The following TMTC3 variants were observed in gnomAD, a reference collection of about 807,000 sequenced individuals.
The protein encoded by TMTC3 is transmembrane O-mannosyltransferase targeting cadherins 3.
In TMTC3, 52 loss-of-function variants were observed where a neutral mutation model predicts 92.2. That is an observed-to-expected ratio of 0.56 (90% CI 0.45 to 0.71). TMTC3 has a LOEUF of 0.71. TMTC3 is among the 30% of genes least tolerant of loss of function. The pLI, the probability that TMTC3 is intolerant of heterozygous loss-of-function variation, is 0.00. For missense variants in TMTC3, 896 were observed against 1,057.1 expected (o/e 0.85, Z 2.11); for synonymous variants, 339 against 363.3 (o/e 0.93, Z 0.76).
At chr12:88,145,606 GTA>G (rs138805594) in intron 1 of TMTC3, among the ~76,000 whole-genome samples, 5,207 of 152,182 alleles carry the variant, frequency 0.034, 142 homozygotes, top group Non-Finnish European at 0.054. Flanking sequence ...GAGGGCTTCA[GTA>G]TTTAAAGGGG....
rs60950974 is a variant in TMTC3 at position 88,165,214 on chromosome 12, A to G, written c.798-1116A>G. ...GTTTGTGTATGTGTGTATAAATTCT[A>G]TTACCCTCTGAAGTTGGATTTAATA... On this transcript the variant is annotated intron_variant, in intron 6 of 13. Transcript: ENST00000266712. 5.7e-4 allele frequency among the ~76,000 whole-genome samples: 87 copies of G among 152,234 alleles called. No homozygotes were observed. In the East Asian group the frequency reaches 0.011, roughly 19 times the overall value.
chr12:88,172,971 G>A, intron 8 of TMTC3: 3 of 1,433,048 alleles, frequency 2.1e-6, no homozygotes, highest in Non-Finnish European at 2.8e-6. Flanking sequence ...TACAGCCTGA[G>A]ACAGAACAAA....
chr12:88,160,491 G>A (rs1408955619), intron 5 of TMTC3, among the ~76,000 whole-genome samples, 188 bp from the exon 6 acceptor site: 1 of 151,982 alleles, frequency 6.6e-6, no homozygotes, highest in Non-Finnish European at 1.5e-5. Context: ...CAATAGTACT[G>A]TACAGTATAA....
intron 10 of TMTC3, among the ~76,000 whole-genome samples, chr12:88,183,045 C>T (rs2041335994): frequency 6.6e-6 from 1 of 152,194 alleles, no homozygotes; most frequent in Non-Finnish European, 1.5e-5. Context: ...ATTTGCCAGA[C>T]TTTTGGGAAA....
rs1206199154 is a variant in TMTC3, at chr12:88,198,800, A to ATATT, written c.*3157_*3160dup. The ATATT allele has an allele frequency of 6.2e-6, 1 of 160,500 alleles. No homozygotes were observed. Among genetic ancestry groups the ATATT allele is most frequent in the African/African-American group, 2.4e-5 (1 of 41,862 alleles). The allele number at this position is 160,500 out of a possible 1,614,324, so 9.9% of individuals were successfully genotyped here. On this transcript the variant is annotated 3_prime_UTR_variant, in exon 14 of 14. Transcript: ENST00000266712. ...TACTTCAGAAATCCATATATTTGTC[A>ATATT]TATTTATTTTTTTAGAAACCTCCTA...
Position 88,153,262 on chromosome 12 carries a change from A to C in TMTC3, c.190-29A>C, listed in dbSNP as rs569078232. 4 of 1,546,088 alleles carry C rather than the reference A, an allele frequency of 2.6e-6. No individual in the cohort carries two copies. In the African/African-American group the frequency reaches 5.4e-5, roughly 21 times the overall value. On this transcript the variant is annotated intron_variant, in intron 2 of 13. Transcript: ENST00000266712. ...GTACCCTGTTGGACCAAGGTACTTT[A>C]ATAATCACTGATCGTTTTTTCCTTG...
intron 13 of TMTC3, among the ~76,000 whole-genome samples, chr12:88,194,366 A>T (rs1445781038): frequency 6.6e-6 from 1 of 152,198 alleles, no homozygotes; most frequent in Non-Finnish European, 1.5e-5. Context: ...TTTTCTACCC[A>T]GTAATAGTTA....
In TMTC3 at chr12:88,148,349, A is replaced by G. The variant is rs771040317; in HGVS notation, c.34A>G (p.Ile12Val). The G allele has an allele frequency of 2.5e-6, 4 of 1,613,318 alleles. No individual in the cohort carries two copies. The highest frequency in any genetic ancestry group is 3.4e-6 in the Non-Finnish European group (4 of 1,179,606). The change falls in exon 2 of 14, where the codon ATA becomes GTA. Residue 12 changes from isoleucine (I) to valine (V), a missense_variant. By Grantham distance (29) the Ile-to-Val change is conservative. Transcript: ENST00000266712. ...ANINLKEITLIVGVVTACYWN... is the reference protein window; with the variant it reads ...ANINLKEITLVVGVVTACYWN... Reference sequence around the variant, plus strand: ...TATTAACCTAAAAGAAATAACCTTAATAGTAGGTGTGGTTACTGCCTGCTA... The same window carrying G: ...TATTAACCTAAAAGAAATAACCTTAGTAGTAGGTGTGGTTACTGCCTGCTA...
intron 10 of TMTC3, 68 bp downstream of exon 10, chr12:88,176,387 A>C: frequency 8.5e-7 from 1 of 1,169,928 alleles, no homozygotes; most frequent in South Asian, 1.4e-5. Flanking sequence ...CCTTGGGGGA[A>C]ATAAGGTAGT....
intron 2 of TMTC3, among the ~76,000 whole-genome samples, chr12:88,150,416 T>C (rs895288871): frequency 2.0e-5 from 3 of 152,124 alleles, no homozygotes; most frequent in Admixed American, 6.5e-5. Flanking sequence ...CATTTTGATA[T>C]AAGATTTGGG....
At chr12:88,152,503 C>T (rs2040955369) in intron 2 of TMTC3, among the ~76,000 whole-genome samples, 1 of 152,014 alleles carries the variant, frequency 6.6e-6, no homozygotes, top group African/African-American at 2.4e-5. Flanking sequence ...TGTCAATGCC[C>T]TTTGTATAAA....
In TMTC3 at chr12:88,160,203, G is replaced by A; in HGVS notation, c.598G>A (p.Val200Met). The A allele has an allele frequency of 6.4e-7, 1 of 1,569,368 alleles. No individual in the cohort carries two copies. The highest frequency in any genetic ancestry group is 8.6e-7 in the Non-Finnish European group (1 of 1,161,814). The change falls in exon 5 of 14, where the codon GTG (valine) becomes ATG (methionine). Residue 200 changes from valine (V) to methionine (M), a missense_variant. Transcript: ENST00000266712. The part of the protein sequence containing the change: ...QGITVVGICC[V>M]YEVFIAQGYT... ...AATAACAGTTGTAGGAATTTGCTGT[G>A]TGTATGAAGTGTTTATTGCCCAGGG...
intron 1 of TMTC3, 52 bp from the exon 2 acceptor site, chr12:88,148,236 C>A: frequency 1.6e-6 from 2 of 1,230,726 alleles, no homozygotes; most frequent in Non-Finnish European, 2.3e-6. Flanking sequence ...TAAAATTGAA[C>A]TTACTTGGAA....
chr12:88,188,218 G>A (rs573539256), intron 10 of TMTC3, among the ~76,000 whole-genome samples: 2 of 152,080 alleles, frequency 1.3e-5, no homozygotes, highest in African/African-American at 4.8e-5. Context: ...TTTAAAAATC[G>A]AATGGCAAAG....
chr12:88,168,458 C>A (rs577906360), intron 7 of TMTC3, among the ~76,000 whole-genome samples: 1 of 152,258 alleles, frequency 6.6e-6, no homozygotes, highest in South Asian at 2.1e-4. Context: ...TTATGTAGGG[C>A]CTGGGGAAGC....
chr12:88,161,995 T>G (rs1291481205), intron 6 of TMTC3, among the ~76,000 whole-genome samples: 1 of 152,052 alleles, frequency 6.6e-6, no homozygotes, highest in Non-Finnish European at 1.5e-5. Flanking sequence ...TCCAGTGTTC[T>G]TTATTCCTTT....
chr12:88,184,009 G>C (rs1341313184), intron 10 of TMTC3, among the ~76,000 whole-genome samples: 4 of 152,028 alleles, frequency 2.6e-5, no homozygotes, highest in Non-Finnish European at 5.9e-5. Flanking sequence ...GCAATCCATT[G>C]CAGCCTTCCT....
At chr12:88,164,961 T>C (rs747962993) in intron 6 of TMTC3, among the ~76,000 whole-genome samples, 6 of 152,158 alleles carry the variant, frequency 3.9e-5, no homozygotes, top group African/African-American at 7.2e-5. Flanking sequence ...GTATTGGAAA[T>C]AGAGAAGATT....
chr12:88,170,959 T>G (rs1284064027), intron 7 of TMTC3, among the ~76,000 whole-genome samples: 2 of 152,184 alleles, frequency 1.3e-5, no homozygotes, highest in East Asian at 1.9e-4. Context: ...ATATTAATAA[T>G]TTTAGAAATT....
Sources: allele counts gnomAD v4.1 joint callset (sites outside exome capture counted in the v4.1 genomes callset), GRCh38; gene constraint gnomAD v4.1.1; transcripts MANE v1.5; gene names NCBI Gene and HGNC (gene_info 2026-07-23, HGNC 2026-07-21).